RPS6KC1: variants seen among roughly 807,000 people sequenced by gnomAD.
The protein encoded by RPS6KC1 is inactive ribosomal protein S6 kinase delta-1.
Under a neutral mutation model 103.8 loss-of-function variants are expected in RPS6KC1, and 54 were observed. The ratio of observed to expected loss-of-function variants is 0.52; its 90% CI spans 0.42 to 0.65. RPS6KC1 has a LOEUF of 0.65. RPS6KC1 is among the 30% of genes least tolerant of loss of function. The pLI is 0.00. For missense variants in RPS6KC1, 1,151 were observed against 1,253.8 expected, an observed-to-expected ratio of 0.92 and a Z score of 1.24; for synonymous variants, 439 against 438.7, an observed-to-expected ratio of 1.00 and a Z score of -0.01.
the RPS6KC1 span, among the ~76,000 whole-genome samples, chr1:213,735,117 G>T: frequency 3.2e-4 from 49 of 152,296 alleles, no homozygotes; most frequent in African/African-American, 1.1e-3. Context: ...TAGAGATGGG[G>T]TTTCACAGTG....
At chr1:213,802,469 A>G in the RPS6KC1 span, among the ~76,000 whole-genome samples, 1 of 152,228 alleles carries the variant, frequency 6.6e-6, no homozygotes, top group Non-Finnish European at 1.5e-5. Flanking sequence ...ATAAAAGAAA[A>G]TGAACTTGAC....
the RPS6KC1 span, among the ~76,000 whole-genome samples, chr1:213,813,949 T>C: frequency 3.2e-4 from 49 of 152,208 alleles, no homozygotes; most frequent in Non-Finnish European, 4.4e-5. Flanking sequence ...ACCCAACCAC[T>C]GCTCTCAGAG....
At chr1:213,237,984 C>G (rs1381622710) in intron 10 of RPS6KC1, among the ~76,000 whole-genome samples, 1 of 151,808 alleles carries the variant, frequency 6.6e-6, no homozygotes, top group Non-Finnish European at 1.5e-5. Flanking sequence ...GATTCTTTTC[C>G]TTGAAAGGTT....
At chr1:213,457,190 T>A in the RPS6KC1 span, among the ~76,000 whole-genome samples, 1 of 152,214 alleles carries the variant, frequency 6.6e-6, no homozygotes, top group Admixed American at 6.5e-5. Context: ...TTGATGTGAT[T>A]GTTCTGTTCT....
the RPS6KC1 span, among the ~76,000 whole-genome samples, chr1:213,453,984 A>G: frequency 6.6e-6 from 1 of 152,238 alleles, no homozygotes; most frequent in Non-Finnish European, 1.5e-5. Context: ...AGCTTTGTCA[A>G]ATAATAAAAA....
chr1:213,390,918 C>T, the RPS6KC1 span, among the ~76,000 whole-genome samples: 67,365 of 151,910 alleles, frequency 0.44, 17,665 homozygotes, highest in East Asian at 0.72. Context: ...GCCATAATTC[C>T]ATACTTCTCA....
chr1:213,219,282 A>T (rs2093758684), intron 8 of RPS6KC1, among the ~76,000 whole-genome samples: 1 of 152,240 alleles, frequency 6.6e-6, no homozygotes, highest in Non-Finnish European at 1.5e-5. Flanking sequence ...TGGCCATCAG[A>T]GAAATGCAAA....
the RPS6KC1 span, among the ~76,000 whole-genome samples, chr1:213,659,762 C>T: frequency 6.6e-6 from 1 of 151,776 alleles, no homozygotes. Context: ...GCATATGTGC[C>T]TGTAAGTGCA....
At chr1:213,764,464 A>T in the RPS6KC1 span, among the ~76,000 whole-genome samples, 41 of 152,276 alleles carry the variant, frequency 2.7e-4, no homozygotes, top group African/African-American at 9.6e-4. Flanking sequence ...CCCTGCTATC[A>T]GAGTGTAAGG....
chr1:213,216,349 AG>A (rs768922174), intron 8 of RPS6KC1, among the ~76,000 whole-genome samples: 23 of 152,248 alleles, frequency 1.5e-4, no homozygotes, highest in Non-Finnish European at 3.1e-4. Flanking sequence ...CACCCAATAC[AG>A]GAGCACCCAG....
At chr1:213,123,383 G>A (rs2084615537) in intron 5 of RPS6KC1, among the ~76,000 whole-genome samples, 1 of 152,090 alleles carries the variant, frequency 6.6e-6, no homozygotes, top group Non-Finnish European at 1.5e-5. Context: ...AATTAAGATT[G>A]CTGTGTTGTT....
intron 5 of RPS6KC1, among the ~76,000 whole-genome samples, chr1:213,127,961 TAACAGA>T (rs1433122749): frequency 1.3e-5 from 2 of 152,234 alleles, no homozygotes; most frequent in African/African-American, 2.4e-5. Flanking sequence ...GATTTGAATG[TAACAGA>T]AACAGAAATT....
At chr1:213,688,505 A>C in the RPS6KC1 span, among the ~76,000 whole-genome samples, 1 of 152,266 alleles carries the variant, frequency 6.6e-6, no homozygotes, top group East Asian at 1.9e-4. Context: ...CCAGGTAGGG[A>C]GCAAGTAGGA....
the RPS6KC1 span, among the ~76,000 whole-genome samples, chr1:213,860,003 G>T: frequency 7.6e-4 from 115 of 151,600 alleles, no homozygotes; most frequent in Non-Finnish European, 1.5e-4. Flanking sequence ...TATAGTCTAA[G>T]TTTTTTTGAG....
chr1:213,749,797 C>T, the RPS6KC1 span, among the ~76,000 whole-genome samples: 1 of 152,170 alleles, frequency 6.6e-6, no homozygotes, highest in Non-Finnish European at 1.5e-5. Context: ...TGCTGGCATC[C>T]CCAAACTCGC....
chr1:213,661,782 C>T, the RPS6KC1 span, among the ~76,000 whole-genome samples: 2 of 152,100 alleles, frequency 1.3e-5, no homozygotes, highest in African/African-American at 4.8e-5. Context: ...GTAGATACCC[C>T]TTAAAACATT....
chr1:213,782,254 C>T, the RPS6KC1 span, among the ~76,000 whole-genome samples: 1 of 152,248 alleles, frequency 6.6e-6, no homozygotes, highest in South Asian at 2.1e-4. Context: ...ATTATTAGCA[C>T]CTCAAAGCAG....
the RPS6KC1 span, among the ~76,000 whole-genome samples, chr1:213,660,976 T>C: frequency 6.6e-6 from 1 of 152,202 alleles, no homozygotes; most frequent in African/African-American, 2.4e-5. Flanking sequence ...CTGTGTGCTA[T>C]ATTTTGAATC....
chr1:213,368,098 C>T, the RPS6KC1 span, among the ~76,000 whole-genome samples: 1 of 152,236 alleles, frequency 6.6e-6, no homozygotes, highest in Non-Finnish European at 1.5e-5. Context: ...CAAATTGTGG[C>T]ATAGGCCGCT....
Sources: gnomAD v4.1 joint callset for allele counts (sites outside exome capture counted in the v4.1 genomes callset) on GRCh38, gnomAD v4.1.1 for gene constraint, MANE v1.5 for transcripts, NCBI Gene and HGNC (gene_info 2026-07-23, HGNC 2026-07-21) for gene names.